The following DMD variants were observed in gnomAD, a reference collection of about 807,000 sequenced individuals.
The protein encoded by DMD is dystrophin.
DMD carries 63 observed loss-of-function variants against 330.1 expected under a neutral mutation model. The ratio of observed to expected loss-of-function variants is 0.19; its 90% CI spans 0.16 to 0.24. The LOEUF is 0.24. DMD is among the 10% of genes least tolerant of loss of function. The pLI, the probability that DMD is intolerant of heterozygous loss-of-function variation, is 1.00. For synonymous variants in DMD, 1,223 were observed against 959.8 expected (o/e 1.27, Z -5.07); for missense variants, 3,344 against 2,684.1 (o/e 1.25, Z -5.43).
At chrX:31,335,190 G>A in intron 61 of DMD, among the ~76,000 whole-genome samples, 1 of 112,459 alleles carries the variant, frequency 8.9e-6, no homozygotes, top group Non-Finnish European at 1.9e-5. Flanking sequence ...ATCAGAGTTT[G>A]ATTTACATTG....
chrX:33,057,283 G>T (rs2094529160), intron 1 of DMD, among the ~76,000 whole-genome samples: 1 of 111,304 alleles, frequency 9.0e-6, no homozygotes, highest in African/African-American at 3.3e-5. Context: ...GTTTAGAAAA[G>T]ACTTGATTAA....
At chrX:31,177,505 C>T (rs922950311) in intron 71 of DMD, among the ~76,000 whole-genome samples, 1 of 111,790 alleles carries the variant, frequency 8.9e-6, no homozygotes, top group East Asian at 2.8e-4. Flanking sequence ...CCACTTATAA[C>T]AGACCCTAAA....
chrX:32,754,056 A>G (rs2148315329), intron 7 of DMD, among the ~76,000 whole-genome samples: 1 of 111,485 alleles, frequency 9.0e-6, no homozygotes, highest in African/African-American at 3.3e-5. Context: ...TGCTGATGTT[A>G]TGTAAGGTAT....
intron 62 of DMD, among the ~76,000 whole-genome samples, chrX:31,268,027 C>T (rs1223480249): frequency 8.9e-6 from 1 of 111,906 alleles, no homozygotes; most frequent in Non-Finnish European, 1.9e-5. Flanking sequence ...CATTCCACTT[C>T]GGTCTACAGT....
At chrX:33,155,933 A>G (rs1161091966) in intron 1 of DMD, among the ~76,000 whole-genome samples, 2 of 112,028 alleles carry the variant, frequency 1.8e-5, no homozygotes, top group Non-Finnish European at 3.8e-5. Context: ...TTTCTAAAAA[A>G]TAAATAAATG....
chrX:32,598,905 A>T (rs2055874612), intron 12 of DMD, among the ~76,000 whole-genome samples: 1 of 111,888 alleles, frequency 8.9e-6, no homozygotes, highest in African/African-American at 3.2e-5. Flanking sequence ...CAAGGAAATA[A>T]AGGAGTGGGG....
intron 16 of DMD, among the ~76,000 whole-genome samples, chrX:32,549,269 T>C (rs2049282804): frequency 9.0e-6 from 1 of 111,411 alleles, no homozygotes; most frequent in Admixed American, 9.6e-5. Context: ...ATCTATGCAT[T>C]ATTTTCTTCA....
At chrX:31,763,988 A>T (rs767013063) in intron 51 of DMD, among the ~76,000 whole-genome samples, 1 of 110,966 alleles carries the variant, frequency 9.0e-6, no homozygotes, top group Non-Finnish European at 1.9e-5. Flanking sequence ...AGATCATGTC[A>T]CCTCAGCCTC....
intron 34 of DMD, among the ~76,000 whole-genome samples, chrX:32,372,223 C>T (rs1322134868): frequency 1.8e-5 from 2 of 111,825 alleles, no homozygotes; most frequent in African/African-American, 3.2e-5. Flanking sequence ...ATTTGCAACT[C>T]TTAATTTGCA....
chrX:33,331,479 G>A (rs2054176119), intron 1 of DMD, among the ~76,000 whole-genome samples: 2 of 111,694 alleles, frequency 1.8e-5, no homozygotes, highest in African/African-American at 6.5e-5. Context: ...GACTATGATG[G>A]TCCTTATCAC....
Position 32,923,638 on chromosome X carries a change from T to C in DMD, c.94-73818A>G, listed in dbSNP as rs758450633. Among the ~76,000 whole-genome samples the C allele has an allele frequency of 3.6e-5, 4 of 111,884 alleles. No homozygotes were observed. In the East Asian group the frequency reaches 1.1e-3, roughly 31 times the overall value. ...TGTTAACGATAATTGCCTATTGTCC[T>C]ACATGGATGATTTTATTAATAGTGA... is the stretch of plus-strand genomic sequence containing the variant. On this transcript the variant is annotated intron_variant, in intron 2 of 78. Transcript: ENST00000357033.
intron 60 of DMD, among the ~76,000 whole-genome samples, chrX:31,381,533 A>G (rs972753988): frequency 2.7e-5 from 3 of 111,131 alleles, no homozygotes; most frequent in African/African-American, 9.8e-5. Context: ...GTCTCCCACA[A>G]TTACCATTGT....
intron 2 of DMD, among the ~76,000 whole-genome samples, chrX:32,900,915 T>C (rs1045746081): frequency 9.0e-6 from 1 of 111,226 alleles, no homozygotes; most frequent in African/African-American, 3.3e-5. Context: ...TATTATTTAT[T>C]AAGAATTACT....
At chrX:31,255,315 CT>C (rs1484314427) in intron 63 of DMD, among the ~76,000 whole-genome samples, 1 of 111,310 alleles carries the variant, frequency 9.0e-6, no homozygotes, top group African/African-American at 3.3e-5. Context: ...CCTTGAAGAG[CT>C]CAGAGTTTTA....
At chrX:31,795,887 T>C (rs1228894365) in intron 50 of DMD, among the ~76,000 whole-genome samples, 1 of 112,081 alleles carries the variant, frequency 8.9e-6, no homozygotes, top group East Asian at 2.8e-4. Context: ...AAAGAGCCTA[T>C]TATGACAAAT....
chrX:32,657,665 A>C (rs2060670185), intron 9 of DMD, among the ~76,000 whole-genome samples: 1 of 112,108 alleles, frequency 8.9e-6, no homozygotes, highest in African/African-American at 3.2e-5. Context: ...ATAATTTTAA[A>C]AGTCAGTATT....
At chrX:32,857,191 A>T (rs993148584) in intron 2 of DMD, among the ~76,000 whole-genome samples, 1 of 112,541 alleles carries the variant, frequency 8.9e-6, no homozygotes, top group African/African-American at 3.2e-5. Flanking sequence ...CTGTATCAAT[A>T]TATCTATTTA....
intron 1 of DMD, among the ~76,000 whole-genome samples, chrX:33,067,315 T>A (rs772606277): frequency 8.9e-6 from 1 of 112,152 alleles, no homozygotes; most frequent in Admixed American, 9.5e-5. Context: ...CGAATGATTA[T>A]AAAAGCCTTA....
intron 44 of DMD, among the ~76,000 whole-genome samples, chrX:32,058,922 A>C (rs769512997): frequency 8.1e-5 from 9 of 111,676 alleles, no homozygotes; most frequent in Non-Finnish European, 1.3e-4. Context: ...CACAAAAAGG[A>C]AATCTTACCA....
Sources: allele counts gnomAD v4.1 joint callset (sites outside exome capture counted in the v4.1 genomes callset), GRCh38; gene constraint gnomAD v4.1.1; transcripts MANE v1.5; gene names NCBI Gene and HGNC (gene_info 2026-07-23, HGNC 2026-07-21).